CD96: variants seen among roughly 807,000 people sequenced by gnomAD.
The protein encoded by CD96 is CD96 molecule.
Under a neutral mutation model 71.3 loss-of-function variants are expected in CD96, and 70 were observed. The observed-to-expected ratio is 0.98, with a 90% CI of 0.81 to 1.20. The LOEUF (loss-of-function observed/expected upper bound fraction) is 1.20, where lower values mean the gene tolerates loss of function less well. Among genes scored for constraint, CD96 ranks in the 50% most tolerant of loss-of-function variants. CD96 has a pLI of 0.00. For synonymous variants in CD96, 248 were observed against 233.0 expected (o/e 1.06, Z -0.59); for missense variants, 742 against 677.5 (o/e 1.10, Z -1.06).
At chr3:111,586,326 A>C (rs1441663834) in intron 5 of CD96, among the ~76,000 whole-genome samples, 1 of 152,242 alleles carries the variant, frequency 6.6e-6, no homozygotes, top group African/African-American at 2.4e-5. Flanking sequence ...CGCACCAATA[A>C]CATTAAATAA....
At chr3:111,645,328 G>T (rs971269122) in intron 12 of CD96, among the ~76,000 whole-genome samples, 2 of 152,136 alleles carry the variant, frequency 1.3e-5, no homozygotes, top group South Asian at 2.1e-4. Flanking sequence ...CTATGAGGAC[G>T]CAAAGACATA....
At chr3:111,575,461 A>C (rs995411095) in intron 3 of CD96, among the ~76,000 whole-genome samples, 3 of 152,220 alleles carry the variant, frequency 2.0e-5, no homozygotes, top group Admixed American at 1.3e-4. Context: ...TATATTGTTT[A>C]AGGAACAGTA....
chr3:111,619,145 T>C (rs540122549), intron 8 of CD96, among the ~76,000 whole-genome samples: 8 of 152,186 alleles, frequency 5.3e-5, no homozygotes, highest in Non-Finnish European at 8.8e-5. Context: ...TGATGTCACA[T>C]GGAGATGACC....
rs1940067706 is a variant in CD96, at chr3:111,651,368, A to G, written c.*1562A>G. On this transcript the variant is annotated 3_prime_UTR_variant, in exon 14 of 14. Coordinates refer to ENST00000352690, the MANE Select transcript of CD96 (RefSeq NM_005816.5). Reference sequence around the variant, plus strand: ...GGGGAGGCAATCAATGCACCTAGGGAAAAAATTTAAGGAGGTATTCACACT... The same window carrying G: ...GGGGAGGCAATCAATGCACCTAGGGGAAAAATTTAAGGAGGTATTCACACT... 1 of 152,230 alleles carries G rather than the reference A, an allele frequency of 6.6e-6. No individual in the cohort carries two copies. Among genetic ancestry groups the G allele is most frequent in the South Asian group, 2.1e-4 (1 of 4,824 alleles). The allele number at this position is 152,230 out of a possible 1,614,324, so 9.4% of individuals were successfully genotyped here.
intron 10 of CD96, among the ~76,000 whole-genome samples, chr3:111,635,287 A>T (rs1323874927): frequency 6.6e-6 from 1 of 152,166 alleles, no homozygotes; most frequent in Admixed American, 6.5e-5. Flanking sequence ...CACCTCTCTC[A>T]CCATACTTCC....
At chr3:111,591,861 T>A (rs1937004822) in intron 5 of CD96, among the ~76,000 whole-genome samples, 1 of 152,244 alleles carries the variant, frequency 6.6e-6, no homozygotes, top group African/African-American at 2.4e-5. Flanking sequence ...TACAAACAGC[T>A]GTTAGGGAAG....
intron 2 of CD96, among the ~76,000 whole-genome samples, chr3:111,561,406 T>G (rs1241886554): frequency 1.4e-4 from 20 of 142,904 alleles, no homozygotes; most frequent in South Asian, 2.4e-4. Context: ...GTCCTTTCTG[T>G]TTGTTAGTTT....
chr3:111,612,766 GTC>G, intron 8 of CD96: 1 of 427,414 alleles, frequency 2.3e-6, no homozygotes. Flanking sequence ...GCTGTTATAG[GTC>G]TTAGGAAAAG....
At position 111,545,049 on chromosome 3, in the gene CD96, T is replaced by C; in HGVS notation, c.65T>C (p.Val22Ala). The C allele has an allele frequency of 6.2e-7, 1 of 1,612,966 alleles. No homozygotes were observed. ...GGCTCATGTTCTTTCTTTTCAGGAG[T>C]TTGGGAAAAAACAGTCAACACAGAA... The part of the protein sequence containing the change: ...YIIQIHFVKG[V>A]WEKTVNTEEN... Residue 22 changes from valine (V) to alanine (A), a missense_variant, in exon 2 of 14, where the codon GTT becomes GCT. By Grantham distance (64) the Val-to-Ala change is moderately conservative. Coordinates refer to ENST00000352690, the MANE Select transcript of CD96 (RefSeq NM_005816.5).
chr3:111,593,671 C>T, intron 5 of CD96: 1 of 1,612,042 alleles, frequency 6.2e-7, no homozygotes, highest in Non-Finnish European at 8.5e-7. Context: ...GGGCTCGCTC[C>T]CTTTTTTCCA....
intron 2 of CD96, among the ~76,000 whole-genome samples, chr3:111,556,341 C>T (rs912657325): frequency 1.5e-5 from 2 of 134,528 alleles, no homozygotes; most frequent in African/African-American, 5.6e-5. Flanking sequence ...TCTCCCAATG[C>T]TATCCCTCCC....
intron 8 of CD96, among the ~76,000 whole-genome samples, chr3:111,609,584 G>A (rs1937801359): frequency 6.6e-6 from 1 of 152,168 alleles, no homozygotes; most frequent in African/African-American, 2.4e-5. Flanking sequence ...CAATTCTTCT[G>A]TGACAAAATT....
chr3:111,593,166 C>CAT, intron 5 of CD96: 2 of 168,908 alleles, frequency 1.2e-5, no homozygotes, highest in Admixed American at 5.7e-5. Context: ...TTCCAGCTAC[C>CAT]TAACCAGCCT....
In CD96 at chr3:111,567,556, T is replaced by C. The variant is rs147832650; in HGVS notation, c.452T>C (p.Ile151Thr). The C allele has an allele frequency of 4.0e-4, 648 of 1,605,074 alleles. No homozygotes were observed. Among genetic ancestry groups the C allele is most frequent in the Non-Finnish European group, 5.4e-4 (629 of 1,171,996 alleles). The change falls in exon 3 of 14, where the codon ATA (isoleucine) becomes ACA (threonine). Residue 151 changes from isoleucine to threonine, a missense_variant. By Grantham distance (89) the Ile-to-Thr change is moderately conservative. Transcript: ENST00000352690. ...GATGAATGGAACAGCAACCATACGATAGAAATAGAGATAAATCAGACTCTG... is the reference window on the plus strand; with the variant it reads ...GATGAATGGAACAGCAACCATACGACAGAAATAGAGATAAATCAGACTCTG... ...TADEWNSNHT[I>T]EIEINQTLEI...
Position 111,545,358 on chromosome 3 carries a change from AG to A in CD96, c.377del (p.Gly126AlafsTer26). ...RYECMLVLYP[E>X]GIQTKIYNLL... Reference sequence around the variant, plus strand: ...GAGTGTATGCTTGTTCTGTATCCAGAGGGCATTCAGACTAAAATCTACAACC... The same window carrying A: ...GAGTGTATGCTTGTTCTGTATCCAGAGGCATTCAGACTAAAATCTACAACC... On this transcript the variant is annotated frameshift_variant, in exon 2 of 14. Coordinates refer to ENST00000352690, the MANE Select transcript of CD96 (RefSeq NM_005816.5). LOFTEE classifies it high-confidence loss of function. 1.9e-6 allele frequency: 3 copies of A among 1,613,516 alleles called. No individual in the cohort carries two copies. The highest frequency in any genetic ancestry group is 2.5e-6 in the Non-Finnish European group (3 of 1,179,418).
intron 10 of CD96, among the ~76,000 whole-genome samples, chr3:111,632,688 T>C (rs527563443): frequency 2.0e-5 from 3 of 152,326 alleles, no homozygotes; most frequent in African/African-American, 7.2e-5. Flanking sequence ...ATTGCAGCAC[T>C]ATTCACAATA....
At chr3:111,629,401 TA>T (rs547640773) in intron 10 of CD96, among the ~76,000 whole-genome samples, 44 of 145,664 alleles carry the variant, frequency 3.0e-4, no homozygotes, top group South Asian at 1.5e-3. Flanking sequence ...CCAACAAAGA[TA>T]AAAAAAAAAG....
chr3:111,603,423 C>T (rs1172261546), intron 7 of CD96, among the ~76,000 whole-genome samples: 1 of 149,532 alleles, frequency 6.7e-6, no homozygotes, highest in African/African-American at 2.5e-5. Flanking sequence ...CCAGCCTGGG[C>T]AACAGAGCAA....
chr3:111,565,443 T>C (rs912833085), intron 2 of CD96, among the ~76,000 whole-genome samples: 2 of 152,166 alleles, frequency 1.3e-5, no homozygotes, highest in Admixed American at 1.3e-4. Flanking sequence ...AAAAATGTAA[T>C]ACTTATGTAT....
Sources: allele counts gnomAD v4.1 joint callset (sites outside exome capture counted in the v4.1 genomes callset), GRCh38; gene constraint gnomAD v4.1.1; transcripts MANE v1.5; gene names NCBI Gene and HGNC (gene_info 2026-07-23, HGNC 2026-07-21).